C19orf47: variants seen among roughly 807,000 people sequenced by gnomAD.
C19orf47 encodes uncharacterized protein C19orf47.
Under a neutral mutation model 32.3 loss-of-function variants are expected in C19orf47, and 18 were observed. The observed-to-expected ratio is 0.56, with a 90% CI of 0.39 to 0.83. C19orf47 has a LOEUF of 0.83. Ranked by LOEUF, C19orf47 falls within the 40% of genes least tolerant of loss-of-function variation. The pLI is 0.00. For synonymous variants in C19orf47, 202 were observed against 211.1 expected (o/e 0.96, Z 0.37); for missense variants, 484 against 531.6 (o/e 0.91, Z 0.88).
At chr19:40,315,676 A>G (rs2077657223), downstream of C19orf47, among the ~76,000 whole-genome samples, 1 of 151,984 alleles carries the variant, frequency 6.6e-6, no homozygotes, top group African/African-American at 2.4e-5. Context: ...GCCACTCAGG[A>G]GGCTGAGGCA....
At chr19:40,314,691 A>G (rs2077650913), downstream of C19orf47, among the ~76,000 whole-genome samples, 1 of 152,202 alleles carries the variant, frequency 6.6e-6, no homozygotes, top group Admixed American at 6.5e-5. Context: ...AAGGAGATGG[A>G]GCATAAACCC....
chr19:40,306,906 C>T, the C19orf47 span, among the ~76,000 whole-genome samples: 4 of 150,962 alleles, frequency 2.6e-5, no homozygotes, highest in African/African-American at 4.9e-5. Context: ...TCTCCTGCCT[C>T]AGCCTCCTGA....
At chr19:40,347,822 G>A (rs2078347448) in intron 1 of C19orf47, among the ~76,000 whole-genome samples, 1 of 152,020 alleles carries the variant, frequency 6.6e-6, no homozygotes, top group Admixed American at 6.6e-5. Flanking sequence ...AGCTCTCACT[G>A]TGCCAGCCCC....
At chr19:40,337,986 T>C (rs1179396526) in intron 2 of C19orf47, among the ~76,000 whole-genome samples, 1 of 152,138 alleles carries the variant, frequency 6.6e-6, no homozygotes, top group Non-Finnish European at 1.5e-5. Context: ...AATGATTCCA[T>C]GTATATGAAG....
chr19:40,345,812 T>TCAC (rs2078264811), intron 1 of C19orf47, among the ~76,000 whole-genome samples: 1 of 133,762 alleles, frequency 7.5e-6, no homozygotes, highest in Non-Finnish European at 1.5e-5. Flanking sequence ...TTACGCCACT[T>TCAC]CACTCCAGCC....
At chr19:40,318,274 C>T (rs1407530526), downstream of C19orf47, among the ~76,000 whole-genome samples, 9 of 152,048 alleles carry the variant, frequency 5.9e-5, no homozygotes, top group South Asian at 2.1e-4. Context: ...TAGGGATTAA[C>T]GGGCAAGGAT....
At chr19:40,297,278 T>A in the C19orf47 span, among the ~76,000 whole-genome samples, 1 of 152,052 alleles carries the variant, frequency 6.6e-6, no homozygotes, top group South Asian at 2.1e-4. Flanking sequence ...AAATGGTGAA[T>A]AGTGGGGACA....
rs746687094 is a variant in C19orf47, at chr19:40,321,837, C to T, written c.*45G>A. On this transcript the variant is annotated 3_prime_UTR_variant, in exon 9 of 9. Transcript: ENST00000683109. ...AGCCAGGAGCCTGGGGCGGCCAGGG[C>T]AGATGCCCGCAGGCTCTGCTGCCTG... 1.8e-5 allele frequency: 27 copies of T among 1,486,340 alleles called. No homozygotes were observed. The East Asian group carries it at 4.8e-4, about 27-fold the overall frequency. The allele number at this position is 1,486,340 out of a possible 1,614,324, so 92.1% of individuals were successfully genotyped here.
In C19orf47 at chr19:40,336,121, C is replaced by T; in HGVS notation, c.211G>A (p.Val71Met). The change falls in exon 4 of 9, where the codon GTG becomes ATG. Residue 71 changes from valine (V) to methionine (M), a missense_variant. Coordinates refer to ENST00000683109, the MANE Select transcript of C19orf47 (RefSeq NM_001256441.2). Reference sequence around the variant, plus strand: ...GGCACAGCACCCACCTGACGGTGCACCACTTTGGCATGCTTGAGAATGGCG... The same window carrying T: ...GGCACAGCACCCACCTGACGGTGCATCACTTTGGCATGCTTGAGAATGGCG... ...IIAILKHAKV[V>M]HRQDMCKAAT... 10 of 1,614,180 alleles carry T rather than the reference C, an allele frequency of 6.2e-6. No individual in the cohort carries two copies. Among genetic ancestry groups the T allele is most frequent in the Non-Finnish European group, 8.5e-6 (10 of 1,180,002 alleles).
chr19:40,317,287 T>G (rs531288953), downstream of C19orf47, among the ~76,000 whole-genome samples: 9 of 152,070 alleles, frequency 5.9e-5, no homozygotes, highest in Admixed American at 1.3e-4. Flanking sequence ...GTGAATGTAT[T>G]ATTTATGCTC....
intron 5 of C19orf47, among the ~76,000 whole-genome samples, chr19:40,328,975 G>A (rs117829965): frequency 5.5e-4 from 84 of 152,202 alleles, no homozygotes; most frequent in Admixed American, 1.5e-3. Flanking sequence ...CAGCGGAATT[G>A]CTGCGTCTCA....
the C19orf47 span, among the ~76,000 whole-genome samples, chr19:40,306,286 A>C: frequency 6.6e-6 from 1 of 152,302 alleles, no homozygotes; most frequent in East Asian, 1.9e-4. Context: ...CAATAGATAT[A>C]GATGATGCAT....
chr19:40,329,456 T>C (rs1225461957), intron 5 of C19orf47, among the ~76,000 whole-genome samples: 1 of 152,054 alleles, frequency 6.6e-6, no homozygotes, highest in African/African-American at 2.4e-5. Flanking sequence ...CAGTGAGCTG[T>C]GATCGCACTA....
chr19:40,305,392 C>A, the C19orf47 span, among the ~76,000 whole-genome samples: 1 of 151,916 alleles, frequency 6.6e-6, no homozygotes, highest in African/African-American at 2.4e-5. Context: ...TACAACACAG[C>A]CTCCCACATT....
Position 40,341,907 on chromosome 19 carries a change from G to C in C19orf47, c.-33-17C>G. On this transcript the variant is annotated splice_polypyrimidine_tract_variant and intron_variant, in intron 1 of 8. Transcript: ENST00000683109. ...CCCTGGAGCCTGAAAGAGAAGAGAG[G>C]AGAGAGCCCATGAGCTGCTGCCGGC... The C allele has an allele frequency of 6.5e-7, 1 of 1,536,194 alleles. No homozygotes were observed. Among genetic ancestry groups the C allele is most frequent in the South Asian group, 1.2e-5 (1 of 84,064 alleles).
chr19:40,317,071 G>A (rs1479353514), downstream of C19orf47, among the ~76,000 whole-genome samples: 3 of 152,108 alleles, frequency 2.0e-5, no homozygotes, highest in Non-Finnish European at 4.4e-5. Context: ...TCACTGTAGA[G>A]ACTTTTGTAT....
the C19orf47 span, among the ~76,000 whole-genome samples, chr19:40,309,424 G>C: frequency 6.6e-6 from 1 of 151,898 alleles, no homozygotes; most frequent in Non-Finnish European, 1.5e-5. Context: ...TCTGACCTCA[G>C]GTGATCTGCC....
chr19:40,335,289 T>C (rs1021194366), intron 4 of C19orf47, among the ~76,000 whole-genome samples: 12 of 152,176 alleles, frequency 7.9e-5, no homozygotes, highest in Admixed American at 2.6e-4. Context: ...AAGACTGGAA[T>C]GTCCAGGTTG....
downstream of C19orf47, among the ~76,000 whole-genome samples, chr19:40,318,698 A>G (rs2077679621): frequency 6.6e-6 from 1 of 152,204 alleles, no homozygotes; most frequent in African/African-American, 2.4e-5. Flanking sequence ...CTTTGAGGTC[A>G]GGCCTCAGCC....
Sources: allele counts gnomAD v4.1 joint callset (sites outside exome capture counted in the v4.1 genomes callset), GRCh38; gene constraint gnomAD v4.1.1; transcripts MANE v1.5; gene names NCBI Gene and HGNC (gene_info 2026-07-23, HGNC 2026-07-21).